Variants in SLC16A1 observed in about 807,000 individuals in gnomAD.
SLC16A1 encodes monocarboxylate transporter 1.
A neutral mutation model predicts 32.2 loss-of-function variants in SLC16A1; 11 were observed. The ratio of observed to expected loss-of-function variants is 0.34; its 90% CI spans 0.21 to 0.56. The LOEUF is 0.56. Ranked by LOEUF, SLC16A1 falls within the 20% of genes least tolerant of loss-of-function variation. The pLI is 0.87. For synonymous variants in SLC16A1, 231 were observed against 226.8 expected (o/e 1.02, Z -0.17); for missense variants, 435 against 615.0 (o/e 0.71, Z 3.10).
intron 1 of SLC16A1, among the ~76,000 whole-genome samples, chr1:112,951,621 C>A (rs1343211728): frequency 6.6e-6 from 1 of 151,948 alleles, no homozygotes; most frequent in African/African-American, 2.4e-5. Flanking sequence ...GCAAAGTCCT[C>A]CAAGAAAGAG....
intron 1 of SLC16A1, among the ~76,000 whole-genome samples, chr1:112,942,604 C>CA (rs1280494321): frequency 6.6e-6 from 1 of 152,188 alleles, no homozygotes; most frequent in Non-Finnish European, 1.5e-5. Flanking sequence ...CAAAGCCAGT[C>CA]AAGCTGTTTC....
intron 2 of SLC16A1, among the ~76,000 whole-genome samples, chr1:112,927,675 A>G (rs1197631385): frequency 6.6e-6 from 1 of 152,230 alleles, no homozygotes; most frequent in Non-Finnish European, 1.5e-5. Context: ...TAGGCCTATT[A>G]TAATACAAAC....
intron 1 of SLC16A1, among the ~76,000 whole-genome samples, chr1:112,943,141 G>A (rs1649567298): frequency 6.6e-6 from 1 of 152,114 alleles, no homozygotes; most frequent in Non-Finnish European, 1.5e-5. Context: ...AGAAAGGTGT[G>A]GGGGTATAAA....
intron 1 of SLC16A1, among the ~76,000 whole-genome samples, chr1:112,952,520 C>T (rs942167858): frequency 3.3e-5 from 5 of 152,138 alleles, no homozygotes; most frequent in Admixed American, 2.0e-4. Flanking sequence ...GGATATTTGG[C>T]GATGTTAATT....
At chr1:112,951,013 T>C (rs1649872951) in intron 1 of SLC16A1, among the ~76,000 whole-genome samples, 3 of 151,722 alleles carry the variant, frequency 2.0e-5, no homozygotes, top group Admixed American at 1.3e-4. Context: ...TTATAATTTA[T>C]AGATTTATAA....
intron 1 of SLC16A1, among the ~76,000 whole-genome samples, chr1:112,952,039 A>T (rs1570649972): frequency 1.3e-5 from 2 of 152,212 alleles, no homozygotes; most frequent in South Asian, 4.1e-4. Context: ...GTACACACCA[A>T]TATCTAGGAA....
At chr1:112,931,858 A>G (rs1185411007) in intron 1 of SLC16A1, among the ~76,000 whole-genome samples, 2 of 151,896 alleles carry the variant, frequency 1.3e-5, no homozygotes, top group Non-Finnish European at 1.5e-5. Context: ...CTTTAAGCCA[A>G]CTTCCACCCT....
At chr1:112,953,320 CCTGG>C (rs1322538911) in intron 1 of SLC16A1, among the ~76,000 whole-genome samples, 34 of 152,186 alleles carry the variant, frequency 2.2e-4, no homozygotes, top group African/African-American at 7.0e-4. Context: ...TGCCACCATG[CCTGG>C]CTAATTTTTT....
chr1:112,951,664 A>C (rs1557858066), intron 1 of SLC16A1, among the ~76,000 whole-genome samples: 1 of 152,222 alleles, frequency 6.6e-6, no homozygotes, highest in Non-Finnish European at 1.5e-5. Flanking sequence ...CATAAATTTA[A>C]GGACAAAAAT....
At position 112,921,698 on chromosome 1, in the gene SLC16A1, C is replaced by T. The variant is rs111722476; in HGVS notation, c.361+292G>A. Reference sequence around the variant, plus strand: ...ATTCTATCAAATTGCCACTCTCGCACCAAGTTGCCACACACATTGTATCTA... The same window carrying T: ...ATTCTATCAAATTGCCACTCTCGCATCAAGTTGCCACACACATTGTATCTA... On this transcript the variant is annotated intron_variant, in intron 3 of 4. Coordinates refer to ENST00000369626, the MANE Select transcript of SLC16A1 (RefSeq NM_003051.4). Among the ~76,000 whole-genome samples the T allele has an allele frequency of 2.3e-3, 347 of 152,268 alleles. 3 individuals carry two copies. The highest frequency in any genetic ancestry group is 7.8e-3 in the African/African-American group (324 of 41,560).
chr1:112,919,775 T>C lies in SLC16A1; in HGVS notation c.362-1731A>G, dbSNP rs1017412312. Among the ~76,000 whole-genome samples, 4 of 152,352 alleles carry C rather than the reference T, an allele frequency of 2.6e-5. No homozygotes were observed. The South Asian group carries it at 6.2e-4, about 24-fold the overall frequency. On this transcript the variant is annotated intron_variant, in intron 3 of 4. Coordinates refer to ENST00000369626, the MANE Select transcript of SLC16A1 (RefSeq NM_003051.4). Reference sequence around the variant, plus strand: ...ATAAGCTCTACGGTCTATGATCCCTTACATTTTCACAAATCTGGTTCCCTG... The same window carrying C: ...ATAAGCTCTACGGTCTATGATCCCTCACATTTTCACAAATCTGGTTCCCTG...
chr1:112,952,247 G>C (rs1476225689), intron 1 of SLC16A1, among the ~76,000 whole-genome samples: 1 of 152,004 alleles, frequency 6.6e-6, no homozygotes. Flanking sequence ...AAAATGGCCT[G>C]GTTCCTTCAA....
chr1:112,950,105 G>C (rs1446365737), intron 1 of SLC16A1, among the ~76,000 whole-genome samples: 4 of 152,126 alleles, frequency 2.6e-5, no homozygotes, highest in Admixed American at 6.5e-5. Flanking sequence ...ACTCATATTT[G>C]AATGAAATTC....
chr1:112,919,539 G>A (rs1648642430), intron 3 of SLC16A1, among the ~76,000 whole-genome samples: 2 of 152,172 alleles, frequency 1.3e-5, no homozygotes, highest in Admixed American at 1.3e-4. Flanking sequence ...GTGTGGCCCT[G>A]TTTCAGGAAC....
chr1:112,928,245 G>A (rs1314387454), intron 2 of SLC16A1, among the ~76,000 whole-genome samples: 1 of 152,192 alleles, frequency 6.6e-6, no homozygotes, highest in Non-Finnish European at 1.5e-5. Context: ...CAGGCTTAAT[G>A]AAATTATGAT....
intron 1 of SLC16A1, among the ~76,000 whole-genome samples, chr1:112,933,115 G>A (rs1393869554): frequency 6.6e-6 from 1 of 152,016 alleles, no homozygotes; most frequent in South Asian, 2.1e-4. Context: ...TATCCTCTCG[G>A]ACTGAAAGAC....
intron 1 of SLC16A1, among the ~76,000 whole-genome samples, chr1:112,944,842 G>A (rs1230500967): frequency 6.6e-6 from 1 of 152,006 alleles, no homozygotes; most frequent in African/African-American, 2.4e-5. Context: ...ACAGGTGGGC[G>A]CCACCACATC....
At chr1:112,954,905 C>T (rs1650020635) in intron 1 of SLC16A1, among the ~76,000 whole-genome samples, 1 of 151,966 alleles carries the variant, frequency 6.6e-6, no homozygotes. Context: ...CTATTTAACA[C>T]CTAACTAAAA....
chr1:112,923,209 C>T (rs978482320), intron 2 of SLC16A1, among the ~76,000 whole-genome samples: 55 of 152,202 alleles, frequency 3.6e-4, no homozygotes, highest in African/African-American at 1.3e-3. Context: ...ATCCCAGCTA[C>T]TCAGGAGGCT....
Sources: gnomAD v4.1 joint callset for allele counts (sites outside exome capture counted in the v4.1 genomes callset) on GRCh38, gnomAD v4.1.1 for gene constraint, MANE v1.5 for transcripts, NCBI Gene and HGNC (gene_info 2026-07-23, HGNC 2026-07-21) for gene names.